Variants in MLLT10 observed in about 807,000 individuals in gnomAD.
The protein encoded by MLLT10 is MLLT10 histone lysine methyltransferase DOT1L cofactor, also known as protein AF-10.
In MLLT10, 30 loss-of-function variants were observed where a neutral mutation model predicts 129.1. The ratio of observed to expected loss-of-function variants is 0.23; its 90% CI spans 0.17 to 0.32. The LOEUF (loss-of-function observed/expected upper bound fraction) is 0.32, where lower values mean the gene tolerates loss of function less well. Among genes scored for constraint, MLLT10 ranks in the 10% least tolerant of loss-of-function variants. MLLT10 has a pLI of 1.00. For missense variants in MLLT10, 1,119 were observed against 1,268.3 expected, an observed-to-expected ratio of 0.88 and a Z score of 1.79; for synonymous variants, 490 against 446.4, an observed-to-expected ratio of 1.10 and a Z score of -1.23.
intron 3 of MLLT10, among the ~76,000 whole-genome samples, chr10:21,569,195 T>C (rs1663044442): frequency 1.3e-5 from 2 of 151,262 alleles, no homozygotes; most frequent in South Asian, 2.1e-4. Context: ...TCAGTTTGGT[T>C]AATGGTGTTA....
At chr10:21,660,871 C>CAAAAA (rs770411226) in intron 9 of MLLT10, among the ~76,000 whole-genome samples, 1 of 81,406 alleles carries the variant, frequency 1.2e-5, no homozygotes, top group Non-Finnish European at 2.3e-5. Context: ...AACTCTGTCT[C>CAAAAA]AAAAAAAAAA....
intron 11 of MLLT10, among the ~76,000 whole-genome samples, chr10:21,675,367 A>T (rs1456019704): frequency 6.6e-6 from 1 of 152,208 alleles, no homozygotes; most frequent in East Asian, 1.9e-4. Flanking sequence ...CCTACAGGCC[A>T]AGAGCATCAT....
chr10:21,624,489 T>G (rs1334195594), intron 8 of MLLT10: 2 of 630,172 alleles, frequency 3.2e-6, no homozygotes, highest in Non-Finnish European at 5.3e-6. Context: ...GGCAGCAAAT[T>G]GCTACTTAAA....
Position 21,538,920 on chromosome 10 carries a change from C to A in MLLT10, c.240+8C>A. ...GAGAGAGCAGCCAGAGTGGTAAGGA[C>A]TATTTATCAAAAACATTAAACTTTA... On this transcript the variant is annotated splice_region_variant and intron_variant, in intron 3 of 22. Transcript: ENST00000307729. 1 of 1,604,816 alleles carries A rather than the reference C, an allele frequency of 6.2e-7. No individual in the cohort carries two copies. Among genetic ancestry groups the A allele is most frequent in the East Asian group, 2.2e-5 (1 of 44,826 alleles).
intron 13 of MLLT10, among the ~76,000 whole-genome samples, chr10:21,712,135 A>G (rs990335920): frequency 9.9e-5 from 15 of 152,158 alleles, no homozygotes; most frequent in African/African-American, 3.6e-4. Context: ...AAAATGTCCC[A>G]GTTGTTTTGT....
intron 8 of MLLT10, among the ~76,000 whole-genome samples, chr10:21,623,010 A>G (rs2046049074): frequency 6.6e-6 from 1 of 152,234 alleles, no homozygotes; most frequent in Admixed American, 6.5e-5. Flanking sequence ...TGAAGGATAC[A>G]GCTCAGGAAC....
intron 5 of MLLT10, among the ~76,000 whole-genome samples, chr10:21,599,567 T>G (rs2043328356): frequency 6.6e-6 from 1 of 152,178 alleles, no homozygotes; most frequent in South Asian, 2.1e-4. Context: ...TTTAATAGTT[T>G]ACTTATTTGA....
intron 9 of MLLT10, among the ~76,000 whole-genome samples, chr10:21,665,112 A>G (rs1297925774): frequency 1.3e-5 from 2 of 151,148 alleles, no homozygotes; most frequent in African/African-American, 4.9e-5. Context: ...TGCCTGGCTA[A>G]TTTTTGTATT....
In MLLT10 at chr10:21,726,252, T is replaced by A. The variant is rs1460478965; in HGVS notation, c.1887T>A (p.Thr629=). ...TAATTTTTTCCATTTAGGCAAATACTCTATCTGGATCTTCTCTCAGTCAGG... is the reference window on the plus strand; with the variant it reads ...TAATTTTTTCCATTTAGGCAAATACACTATCTGGATCTTCTCTCAGTCAGG... ...APAVATTQAN[T]LSGSSLSQAP... is the part of the protein sequence containing the mutation. The change falls in exon 15 of 23, where the codon ACT becomes ACA. Residue 629 remains threonine (T), a synonymous_variant. Transcript: ENST00000307729. 6.2e-7 allele frequency: 1 copy of A among 1,601,884 alleles called. No homozygotes were observed. The highest frequency in any genetic ancestry group is 8.5e-7 in the Non-Finnish European group (1 of 1,171,494).
intron 9 of MLLT10, among the ~76,000 whole-genome samples, chr10:21,659,069 T>C (rs958903011): frequency 5.9e-5 from 9 of 151,966 alleles, no homozygotes; most frequent in East Asian, 3.9e-4. Flanking sequence ...TTTGTTGTTA[T>C]TGACTTTTGT....
intron 5 of MLLT10, among the ~76,000 whole-genome samples, chr10:21,602,450 T>C (rs1389178357): frequency 6.6e-6 from 1 of 152,098 alleles, no homozygotes; most frequent in Non-Finnish European, 1.5e-5. Context: ...TTTTATAGGG[T>C]TATGTCAAGA....
intron 13 of MLLT10, among the ~76,000 whole-genome samples, chr10:21,689,577 A>G (rs1335873489): frequency 7.0e-6 from 1 of 142,348 alleles, no homozygotes; most frequent in Non-Finnish European, 1.5e-5. Context: ...ATATATATAT[A>G]TATATATATA....
chr10:21,624,788 T>TG, intron 8 of MLLT10: 3 of 1,084,286 alleles, frequency 2.8e-6, no homozygotes, highest in Non-Finnish European at 4.1e-6. Flanking sequence ...CGTCCTACAT[T>TG]GTCCCCTGAT....
chr10:21,648,417 G>A (rs2048719245), intron 8 of MLLT10, among the ~76,000 whole-genome samples: 1 of 151,896 alleles, frequency 6.6e-6, no homozygotes, highest in Non-Finnish European at 1.5e-5. Context: ...TGTATTTTTT[G>A]CCTTTTACTC....
At position 21,733,620 on chromosome 10, in the gene MLLT10, A is replaced by T. The variant is rs377754612; in HGVS notation, c.2496+28A>T. 2.0e-5 allele frequency: 30 copies of T among 1,487,398 alleles called. No homozygotes were observed. The East Asian group carries it at 2.1e-4, about 10-fold the overall frequency. 92.1% of individuals were successfully genotyped at this position (1,487,398 alleles called of 1,614,324 possible). A position where few individuals can be genotyped will look rare whatever the true frequency, so the allele number is the denominator to read the frequency against. ...AATTTTTGTATGGTTATTTTCATCT[A>T]TGTTGATTTACTTGTGAATAATAGT... On this transcript the variant is annotated intron_variant, in intron 19 of 22. Transcript: ENST00000307729.
rs761752988 is a variant in MLLT10, at chr10:21,735,172, A to G, written c.2892A>G (p.Gln964=). ...GACTAGGATTACTTTCTGACCAGCA[A>G]CGACAAATACTTATTCATCAACAGC... ...ASGLGLLSDQ[Q]RQILIHQQQF... The change falls in exon 21 of 23, where the codon CAA becomes CAG. Residue 964 remains glutamine (Q), a synonymous_variant. Transcript: ENST00000307729. 2 of 1,614,050 alleles carry G rather than the reference A, an allele frequency of 1.2e-6. No individual in the cohort carries two copies. The highest frequency in any genetic ancestry group is 1.7e-6 in the Non-Finnish European group (2 of 1,180,014).
In MLLT10 at chr10:21,538,867, G is replaced by A. The variant is rs1802669; in HGVS notation, c.195G>A (p.Pro65=). ...GCATTGTTCAAGTACCCACTGGACC[G>A]TGGTTTTGCAGGAAATGTGAATCTC... ...CYGIVQVPTG[P]WFCRKCESQE... Residue 65 remains proline, a synonymous_variant, in exon 3 of 23, where the codon CCG becomes CCA. Coordinates refer to ENST00000307729, the MANE Select transcript of MLLT10 (RefSeq NM_001195626.3). 0.33 allele frequency: 535,523 copies of A among 1,609,888 alleles called. 93,421 individuals are homozygous for A. The highest frequency in any genetic ancestry group is 0.47 in the Middle Eastern group (2,868 of 6,054).
chr10:21,621,135 C>G (rs111429049), intron 8 of MLLT10, among the ~76,000 whole-genome samples: 1 of 151,596 alleles, frequency 6.6e-6, no homozygotes, highest in East Asian at 1.9e-4. Flanking sequence ...AGGCGCCCGC[C>G]ACCACGCCCG....
At chr10:21,677,490 A>C (rs939360531) in intron 11 of MLLT10, among the ~76,000 whole-genome samples, 8 of 152,202 alleles carry the variant, frequency 5.3e-5, no homozygotes, top group Admixed American at 2.0e-4. Flanking sequence ...ATTTTCATAT[A>C]ACCTATGCAC....
Sources: allele counts gnomAD v4.1 joint callset (sites outside exome capture counted in the v4.1 genomes callset), GRCh38; gene constraint gnomAD v4.1.1; transcripts MANE v1.5; gene names NCBI Gene and HGNC (gene_info 2026-07-23, HGNC 2026-07-21).